CUX1: variants seen among roughly 807,000 people sequenced by gnomAD.
The protein encoded by CUX1 is cut like homeobox 1.
A neutral mutation model predicts 158.8 loss-of-function variants in CUX1; 31 were observed. That is an observed-to-expected ratio of 0.20 (90% confidence interval 0.15 to 0.26). The LOEUF is 0.26. Ranked by LOEUF, CUX1 falls within the 10% of genes least tolerant of loss-of-function variation. The pLI is 1.00. For missense variants in CUX1, 1,589 were observed against 2,014.6 expected, an observed-to-expected ratio of 0.79 and a Z score of 4.04; for synonymous variants, 879 against 862.1, an observed-to-expected ratio of 1.02 and a Z score of -0.34.
intron 10 of CUX1, among the ~76,000 whole-genome samples, chr7:102,174,810 C>T (rs1554511332): frequency 6.6e-6 from 1 of 152,194 alleles, no homozygotes; most frequent in African/African-American, 2.4e-5. Context: ...CTTTGCCAGG[C>T]ATGGTGGCAT....
chr7:102,262,424 A>ATGGATGGATGGATGGATGGC (rs1790473376), downstream of CUX1, among the ~76,000 whole-genome samples: 2 of 149,228 alleles, frequency 1.3e-5, no homozygotes, highest in Non-Finnish European at 2.9e-5. Context: ...GGATGGATGG[A>ATGGATGGATGGATGGATGGC]TGGATAACTC....
chr7:102,192,418 A>G (rs1794377560), intron 12 of CUX1, among the ~76,000 whole-genome samples: 1 of 152,198 alleles, frequency 6.6e-6, no homozygotes, highest in African/African-American at 2.4e-5. Context: ...CCCCACGGCA[A>G]CAAGCGGATA....
intron 8 of CUX1, among the ~76,000 whole-genome samples, chr7:102,149,481 G>A (rs189113655): frequency 1.3e-5 from 2 of 149,976 alleles, no homozygotes; most frequent in Non-Finnish European, 3.0e-5. Context: ...TAGCGAGAAG[G>A]GAGTCCCAGC....
chr7:102,242,846 C>T (rs1205781435), intron 23 of CUX1, among the ~76,000 whole-genome samples: 3 of 152,096 alleles, frequency 2.0e-5, no homozygotes, highest in Middle Eastern at 3.2e-3. Context: ...CTGTAGTCTG[C>T]GGTCATTGTG....
rs1055352869 is a variant in CUX1 at position 102,255,273 on chromosome 7, G to A, written c.*6231G>A. On this transcript the variant is annotated 3_prime_UTR_variant, in exon 24 of 24. Transcript: ENST00000292535. The stretch of plus-strand genomic sequence containing the variant: ...TCCATGCCATCCGTGGCATCATCTC[G>A]AGTTTTCATTTTTGGATGAAGTGAC... 7.1e-6 allele frequency: 7 copies of A among 984,848 alleles called. No homozygotes were observed. Among genetic ancestry groups the A allele is most frequent in the East Asian group, 1.1e-4 (1 of 8,806 alleles). The allele number at this position is 984,848 out of a possible 1,614,324, so 61.0% of individuals were successfully genotyped here.
intron 1 of CUX1, among the ~76,000 whole-genome samples, chr7:101,878,418 C>T (rs1381544192): frequency 6.6e-6 from 1 of 152,240 alleles, no homozygotes; most frequent in Non-Finnish European, 1.5e-5. Context: ...GTTTGAGAAA[C>T]TGAAGTCATT....
chr7:101,926,704 G>A lies in CUX1; in HGVS notation c.141+10479G>A, dbSNP rs146456182. 3.1e-3 allele frequency among the ~76,000 whole-genome samples: 467 copies of A among 152,270 alleles called. 1 individual carries two copies. Among genetic ancestry groups the A allele is most frequent in the African/African-American group, 0.011 (454 of 41,546 alleles). On this transcript the variant is annotated intron_variant, in intron 2 of 23. Coordinates refer to ENST00000292535, the MANE Select transcript of CUX1 (RefSeq NM_181552.4). ...GTAGAACGCATAACTAGTAAGTGGT[G>A]ACGTGCAGTGACCTTGAGCAAGGTC... is the stretch of plus-strand genomic sequence containing the variant.
chr7:101,890,124 T>C (rs1800714224), intron 1 of CUX1, among the ~76,000 whole-genome samples: 1 of 152,096 alleles, frequency 6.6e-6, no homozygotes, highest in South Asian at 2.1e-4. Flanking sequence ...CTGGCTGACA[T>C]TTGAAGGAAC....
chr7:101,817,021 T>C (rs1302105789), upstream of CUX1: 14 of 983,548 alleles, frequency 1.4e-5, no homozygotes, highest in Non-Finnish European at 1.7e-5. The surrounding 1 kb of genome is among the most constrained non-coding windows in gnomAD (Gnocchi z 4.1). Flanking sequence ...CGCGGACCTG[T>C]TCCTCCGTGG....
At chr7:102,137,011 C>T (rs1554498934) in intron 8 of CUX1, among the ~76,000 whole-genome samples, 1 of 152,100 alleles carries the variant, frequency 6.6e-6, no homozygotes, top group Non-Finnish European at 1.5e-5. Context: ...TCAAGTGAAT[C>T]CCTGGGATTT....
rs1554539936 is a variant in CUX1 at position 102,251,092 on chromosome 7, G to T, written c.*2050G>T. 1 of 985,322 alleles carries T rather than the reference G, an allele frequency of 1.0e-6. No homozygotes were observed. Among genetic ancestry groups the T allele is most frequent in the Non-Finnish European group, 1.2e-6 (1 of 829,890 alleles). The allele number at this position is 985,322 out of a possible 1,614,324, so 61.0% of individuals were successfully genotyped here. A position where few individuals can be genotyped will look rare whatever the true frequency, so the allele number is the denominator to read the frequency against. ...CGGCAGTATTGGGTATAATTTACAA[G>T]ATGTAGTTGTCATACTGTATATTAC... On this transcript the variant is annotated 3_prime_UTR_variant, in exon 24 of 24. Coordinates refer to ENST00000292535, the MANE Select transcript of CUX1 (RefSeq NM_181552.4).
intron 8 of CUX1, among the ~76,000 whole-genome samples, chr7:102,149,162 C>T (rs567600926): frequency 1.3e-5 from 2 of 152,214 alleles, no homozygotes; most frequent in African/African-American, 2.4e-5. Flanking sequence ...GAACAGGCTT[C>T]CATTTCCCTG....
chr7:102,151,621 G>A (rs1835672451), intron 8 of CUX1, among the ~76,000 whole-genome samples: 1 of 150,786 alleles, frequency 6.6e-6, no homozygotes, highest in South Asian at 2.1e-4. Context: ...AGCTACTTGG[G>A]AGAGGCTAAG....
chr7:102,094,277 G>A (rs1828956517), intron 4 of CUX1, among the ~76,000 whole-genome samples: 1 of 152,214 alleles, frequency 6.6e-6, no homozygotes, highest in East Asian at 1.9e-4. Context: ...CTGTAGTAAA[G>A]TTTGGAGTTT....
chr7:102,080,907 C>T (rs899650936), intron 4 of CUX1, among the ~76,000 whole-genome samples: 16 of 152,216 alleles, frequency 1.1e-4, no homozygotes, highest in Non-Finnish European at 2.1e-4. Context: ...TAGACTGGCC[C>T]CGACCTTAGA....
intron 8 of CUX1, among the ~76,000 whole-genome samples, chr7:102,121,349 T>G (rs1188298585): frequency 4.1e-5 from 3 of 72,870 alleles, no homozygotes; most frequent in African/African-American, 2.1e-4. Flanking sequence ...TGCTTTTTGG[T>G]TTTTTTTTTT....
chr7:102,216,885 TCA>T (rs35680063), intron 20 of CUX1, among the ~76,000 whole-genome samples: 31,610 of 149,474 alleles, frequency 0.21, 3,955 homozygotes, highest in Non-Finnish European at 0.28. Flanking sequence ...ACACATTATC[TCA>T]CACACACACA....
chr7:102,177,229 C>T (rs1030609788), intron 10 of CUX1, among the ~76,000 whole-genome samples: 1 of 151,794 alleles, frequency 6.6e-6, no homozygotes, highest in African/African-American at 2.4e-5. Context: ...GCCTGGCCAA[C>T]ATAGTGAAAC....
chr7:101,872,915 C>T (rs1013359419), intron 1 of CUX1, among the ~76,000 whole-genome samples: 12 of 152,078 alleles, frequency 7.9e-5, no homozygotes, highest in Non-Finnish European at 1.0e-4. Context: ...CTCTGTCACC[C>T]GGGCTGGAGT....
Sources: allele counts gnomAD v4.1 joint callset (sites outside exome capture counted in the v4.1 genomes callset), GRCh38; gene constraint gnomAD v4.1.1; non-coding constraint Gnocchi (gnomAD v3.1); transcripts MANE v1.5; gene names NCBI Gene and HGNC (gene_info 2026-07-23, HGNC 2026-07-21).